Variants in MBD5 observed in about 807,000 individuals in gnomAD.
MBD5 encodes methyl-CpG-binding domain protein 5.
In MBD5, 13 loss-of-function variants were observed where a neutral mutation model predicts 117.3. The ratio of observed to expected loss-of-function variants is 0.11; its 90% CI spans 0.07 to 0.18. The LOEUF (loss-of-function observed/expected upper bound fraction) is 0.18, where lower values mean the gene tolerates loss of function less well. MBD5 is among the 10% of genes least tolerant of loss of function. The pLI, the probability that MBD5 is intolerant of heterozygous loss-of-function variation, is 1.00. For synonymous variants in MBD5, 727 were observed against 766.4 expected (o/e 0.95, Z 0.85); for missense variants, 1,879 against 2,093.8 (o/e 0.90, Z 2.00).
At chr2:148,033,220 T>C (rs1219133356) in intron 1 of MBD5, among the ~76,000 whole-genome samples, 1 of 152,200 alleles carries the variant, frequency 6.6e-6, no homozygotes, top group African/African-American at 2.4e-5. Context: ...TAAAAAATTA[T>C]ATACTGGTAA....
Position 148,469,511 on chromosome 2 carries a change from A to T in MBD5, c.1568A>T (p.Asn523Ile). ...DGHHQYKDIP[N>I]PLIAGISNVL... ...CATCATCAGTACAAGGATATCCCTA[A>T]CCCATTAATTGCTGGAATAAGTAAT... The change falls in exon 8 of 14, where the codon AAC (asparagine) becomes ATC (isoleucine). Residue 523 changes from asparagine to isoleucine, a missense_variant. Asn to Ile is a moderately radical substitution (Grantham distance 149). This residue lies in a region of MBD5 where 1,666 missense variants were observed against 1,792.2 expected (regional missense o/e 0.93). Coordinates refer to ENST00000642680, the MANE Select transcript of MBD5 (RefSeq NM_001378120.1). 6.2e-7 allele frequency: 1 copy of T among 1,613,760 alleles called. No homozygotes were observed. Among genetic ancestry groups the T allele is most frequent in the Non-Finnish European group, 8.5e-7 (1 of 1,179,910 alleles).
intron 3 of MBD5, among the ~76,000 whole-genome samples, chr2:148,341,200 G>A (rs189970316): frequency 2.0e-5 from 3 of 152,060 alleles, no homozygotes; most frequent in Admixed American, 2.0e-4. Context: ...ATAATGATGG[G>A]TGTTTATTGA....
intron 1 of MBD5, among the ~76,000 whole-genome samples, chr2:148,078,892 A>T (rs1695572635): frequency 6.6e-6 from 1 of 152,232 alleles, no homozygotes; most frequent in African/African-American, 2.4e-5. Context: ...TTGTAAAAGA[A>T]CAAGTGTGTT....
intron 4 of MBD5, among the ~76,000 whole-genome samples, chr2:148,449,232 G>A (rs1253653464): frequency 6.6e-6 from 1 of 152,044 alleles, no homozygotes; most frequent in Non-Finnish European, 1.5e-5. Flanking sequence ...GAAAGGAAGT[G>A]TTGCATAGTA....
chr2:148,174,928 A>G (rs935805634), intron 1 of MBD5, among the ~76,000 whole-genome samples: 3 of 152,184 alleles, frequency 2.0e-5, no homozygotes, highest in African/African-American at 7.2e-5. Flanking sequence ...CTGATGATCC[A>G]GCAATCCCAT....
intron 1 of MBD5, among the ~76,000 whole-genome samples, chr2:148,152,855 C>T (rs1047910270): frequency 6.6e-6 from 1 of 151,870 alleles, no homozygotes; most frequent in African/African-American, 2.4e-5. Context: ...GATGGGTTTA[C>T]TGAATACAGC....
chr2:148,067,229 G>A (rs1247811492), intron 1 of MBD5, among the ~76,000 whole-genome samples: 1 of 152,078 alleles, frequency 6.6e-6, no homozygotes, highest in African/African-American at 2.4e-5. Flanking sequence ...TGAACCACAC[G>A]CTATATTAGA....
intron 1 of MBD5, among the ~76,000 whole-genome samples, chr2:148,132,230 T>A (rs1156594541): frequency 1.3e-5 from 2 of 151,792 alleles, no homozygotes; most frequent in Non-Finnish European, 2.9e-5. Flanking sequence ...GAGTTTTATA[T>A]GAACTGTGGT....
At chr2:148,429,119 C>T (rs1042406740) in intron 4 of MBD5, among the ~76,000 whole-genome samples, 20 of 151,758 alleles carry the variant, frequency 1.3e-4, no homozygotes, top group Non-Finnish European at 2.5e-4. Flanking sequence ...TAATATCCAG[C>T]ATCTACAAAG....
At chr2:148,381,875 G>A (rs921639558) in intron 4 of MBD5, among the ~76,000 whole-genome samples, 2 of 152,070 alleles carry the variant, frequency 1.3e-5, no homozygotes, top group African/African-American at 4.8e-5. Flanking sequence ...ATAAGTGAAG[G>A]AGAAATAAAA....
At chr2:148,150,548 C>T (rs62183896) in intron 1 of MBD5, among the ~76,000 whole-genome samples, 12,858 of 152,152 alleles carry the variant, frequency 0.085, 613 homozygotes, top group South Asian at 0.14. Context: ...GCCATTTTCA[C>T]GATATTGATT....
intron 1 of MBD5, among the ~76,000 whole-genome samples, chr2:148,130,152 G>T (rs1697001303): frequency 6.6e-6 from 1 of 152,108 alleles, no homozygotes; most frequent in African/African-American, 2.4e-5. Context: ...CATGCATTTT[G>T]TCCTAAAAGA....
At chr2:148,238,669 T>C (rs1048505853) in intron 3 of MBD5, among the ~76,000 whole-genome samples, 1 of 152,218 alleles carries the variant, frequency 6.6e-6, no homozygotes, top group Non-Finnish European at 1.5e-5. Context: ...ACTAAGTTGT[T>C]GGCAGAGCCT....
chr2:148,502,294 G>T, intron 11 of MBD5, 142 bp from the exon 12 acceptor site: 1 of 742,244 alleles, frequency 1.3e-6, no homozygotes, highest in South Asian at 1.5e-5. Context: ...ATTGAGTGAG[G>T]ACAGAAGATT....
At chr2:148,066,975 C>G (rs896429565) in intron 1 of MBD5, among the ~76,000 whole-genome samples, 1 of 152,156 alleles carries the variant, frequency 6.6e-6, no homozygotes, top group Admixed American at 6.6e-5. Flanking sequence ...GAGAGAACAC[C>G]TGGAAAGCAA....
intron 8 of MBD5, among the ~76,000 whole-genome samples, chr2:148,475,762 G>A (rs577433519): frequency 4.3e-4 from 66 of 152,220 alleles, no homozygotes; most frequent in African/African-American, 1.6e-3. Context: ...ATTCTATGGA[G>A]TAATGTTAAT....
chr2:148,208,612 A>C (rs1445750974), intron 2 of MBD5, among the ~76,000 whole-genome samples: 1 of 150,542 alleles, frequency 6.6e-6, no homozygotes, highest in Non-Finnish European at 1.5e-5. Flanking sequence ...GGCTGGAAAC[A>C]ATTTTGTGAT....
chr2:148,104,029 CCTGA>C (rs1359515436), intron 1 of MBD5, among the ~76,000 whole-genome samples: 1 of 152,044 alleles, frequency 6.6e-6, no homozygotes, highest in African/African-American at 2.4e-5. Context: ...TTCCCTTTCC[CCTGA>C]CTAACTCTAA....
intron 10 of MBD5, 24 bp downstream of exon 10, chr2:148,485,974 T>G (rs1207873878): frequency 1.2e-6 from 2 of 1,606,576 alleles, no homozygotes; most frequent in South Asian, 2.2e-5. Context: ...CTGTGTCATT[T>G]TAGAAGAAAA....
Sources: allele counts gnomAD v4.1 joint callset (sites outside exome capture counted in the v4.1 genomes callset), GRCh38; gene constraint gnomAD v4.1.1; regional missense constraint gnomAD v4.1.1; transcripts MANE v1.5; gene names NCBI Gene and HGNC (gene_info 2026-07-23, HGNC 2026-07-21).